The following MTIF2 variants were observed in gnomAD, a reference collection of about 807,000 sequenced individuals.
The protein encoded by MTIF2 is mitochondrial translational initiation factor 2.
In MTIF2, 71 loss-of-function variants were observed where a neutral mutation model predicts 83.5. The observed-to-expected ratio is 0.85, with a 90% CI of 0.70 to 1.04. MTIF2 has a LOEUF of 1.04. Ranked by LOEUF, MTIF2 falls within the 50% of genes least tolerant of loss-of-function variation. MTIF2 has a pLI of 0.00. For missense variants in MTIF2, 957 were observed against 846.5 expected (o/e 1.13, Z -1.62); for synonymous variants, 319 against 287.1 (o/e 1.11, Z -1.12).
At chr2:55,255,398 T>G (rs1329711042) in intron 5 of MTIF2, among the ~76,000 whole-genome samples, 2 of 146,378 alleles carry the variant, frequency 1.4e-5, no homozygotes, top group Non-Finnish European at 3.0e-5. Flanking sequence ...TATATAGTAT[T>G]ATATATAATA....
intron 9 of MTIF2, among the ~76,000 whole-genome samples, chr2:55,249,037 G>A (rs1676900597): frequency 6.6e-6 from 1 of 152,144 alleles, no homozygotes; most frequent in South Asian, 2.1e-4. Context: ...TACTCAAGAG[G>A]CTGAGGTGGG....
chr2:55,241,120 T>A (rs546261819), intron 13 of MTIF2, among the ~76,000 whole-genome samples: 38 of 150,860 alleles, frequency 2.5e-4, no homozygotes, highest in Middle Eastern at 3.5e-3. Flanking sequence ...ACAAAATGAA[T>A]GAAAAAAATT....
intron 5 of MTIF2, among the ~76,000 whole-genome samples, chr2:55,256,328 A>ACACACAATAT (rs149034173): frequency 5.9e-4 from 82 of 138,774 alleles, no homozygotes; most frequent in African/African-American, 2.0e-3. Flanking sequence ...ACACACACAC[A>ACACACAATAT]ATATATATCT....
chr2:55,237,649 C>CTTTTTTTT lies in MTIF2; in HGVS notation c.1871-229_1871-222dup, dbSNP rs536036933. Among the ~76,000 whole-genome samples, 101 of 112,988 alleles carry CTTTTTTTT rather than the reference C, an allele frequency of 8.9e-4. 1 individual carries two copies. The highest frequency in any genetic ancestry group is 1.1e-3 in the African/African-American group (33 of 29,136). 74.1% of individuals were successfully genotyped at this position (112,988 alleles called of 152,430 possible). A position where few individuals can be genotyped will look rare whatever the true frequency, so the allele number is the denominator to read the frequency against. ...GCTATTCTTTTCCTTTTCTTTTTTTCTTTTTTTTTTTTTTTTTTTGAGACA... is the reference window on the plus strand; with the variant it reads ...GCTATTCTTTTCCTTTTCTTTTTTTCTTTTTTTTTTTTTTTTTTTTTTTTTTTGAGACA... On this transcript the variant is annotated intron_variant, in intron 14 of 15. Transcript: ENST00000263629.
At chr2:55,241,797 T>A (rs1482135346) in intron 13 of MTIF2, among the ~76,000 whole-genome samples, 2 of 151,620 alleles carry the variant, frequency 1.3e-5, no homozygotes, top group Non-Finnish European at 2.9e-5. Flanking sequence ...GAGCCAAGAT[T>A]GCGCCATTGT....
chr2:55,242,498 A>G (rs1380417586), intron 13 of MTIF2, among the ~76,000 whole-genome samples: 1 of 152,244 alleles, frequency 6.6e-6, no homozygotes, highest in Admixed American at 6.5e-5. Flanking sequence ...CTGTAAAAAG[A>G]TACGATGTAT....
rs538443758 is a variant in MTIF2, at chr2:55,263,585, G to C, written c.219+55C>G. Reference sequence around the variant, plus strand: ...AGATCGCGCCACGGCACTCCAGCCGGGGTGACAGGGTGAGACTCCATCTCA... The same window carrying C: ...AGATCGCGCCACGGCACTCCAGCCGCGGTGACAGGGTGAGACTCCATCTCA... On this transcript the variant is annotated intron_variant, in intron 4 of 15. Coordinates refer to ENST00000263629, the MANE Select transcript of MTIF2 (RefSeq NM_002453.3). The C allele has an allele frequency of 1.2e-5, 17 of 1,398,288 alleles. No individual in the cohort carries two copies. The South Asian group carries it at 2.1e-4, about 18-fold the overall frequency. 86.6% of individuals were successfully genotyped at this position (1,398,288 alleles called of 1,614,324 possible).
At chr2:55,258,467 G>C (rs568514664) in intron 5 of MTIF2, among the ~76,000 whole-genome samples, 1 of 152,078 alleles carries the variant, frequency 6.6e-6, no homozygotes, top group Non-Finnish European at 1.5e-5. Flanking sequence ...TCAGGAGTTC[G>C]AGACCAGCCT....
intron 4 of MTIF2, 46 bp from the exon 5 acceptor site, chr2:55,262,473 T>TAAGTG (rs1678082629): frequency 8.2e-7 from 1 of 1,221,242 alleles, no homozygotes; most frequent in South Asian, 1.3e-5. Flanking sequence ...AGAAAAAACT[T>TAAGTG]AAGTGACAAT....
At chr2:55,262,797 C>T (rs1468022026) in intron 4 of MTIF2, among the ~76,000 whole-genome samples, 1 of 151,874 alleles carries the variant, frequency 6.6e-6, no homozygotes, top group Non-Finnish European at 1.5e-5. Flanking sequence ...GGCACAATTT[C>T]GGCTCACTGA....
intron 10 of MTIF2, 39 bp downstream of exon 10, chr2:55,246,297 AC>A (rs1558559004): frequency 3.8e-6 from 6 of 1,560,186 alleles, no homozygotes; most frequent in Non-Finnish European, 5.2e-6. Context: ...CACGAAAACC[AC>A]AGAACAAATT....
At chr2:55,249,679 T>G in intron 8 of MTIF2, 145 bp from the exon 9 acceptor site, 1 of 805,596 alleles carries the variant, frequency 1.2e-6, no homozygotes, top group Non-Finnish European at 1.9e-6. Flanking sequence ...TGACCCACTT[T>G]AGAGTCACAT....
chr2:55,257,703 C>T (rs1031525568), intron 5 of MTIF2, among the ~76,000 whole-genome samples: 1 of 152,144 alleles, frequency 6.6e-6, no homozygotes, highest in Non-Finnish European at 1.5e-5. Context: ...AGTCTTTTTA[C>T]CATATAGATA....
At chr2:55,258,312 G>C (rs1363374658) in intron 5 of MTIF2, among the ~76,000 whole-genome samples, 1 of 152,110 alleles carries the variant, frequency 6.6e-6, no homozygotes, top group Non-Finnish European at 1.5e-5. Context: ...TTTTAAGAAT[G>C]ATACAACTCA....
Position 55,236,624 on chromosome 2 carries a change from G to GTT in MTIF2, c.*22_*23dup, listed in dbSNP as rs375469919. The GTT allele has an allele frequency of 8.2e-5, 129 of 1,565,098 alleles. No homozygotes were observed. The African/African-American group carries it at 1.5e-3, about 18-fold the overall frequency. The stretch of plus-strand genomic sequence containing the variant: ...TACCTTCAAACAAACAACACGTTGA[G>GTT]TTATTTACATTTTTAATGTAATTTT... On this transcript the variant is annotated 3_prime_UTR_variant, in exon 16 of 16. Transcript: ENST00000263629.
chr2:55,258,809 C>CT (rs1230355220), intron 5 of MTIF2, among the ~76,000 whole-genome samples: 2 of 119,046 alleles, frequency 1.7e-5, no homozygotes, highest in African/African-American at 3.1e-5. Flanking sequence ...AAGCCTCTGT[C>CT]TCAAAAAAAA....
chr2:55,255,893 T>TGG (rs202213298), intron 5 of MTIF2, among the ~76,000 whole-genome samples: 94 of 151,954 alleles, frequency 6.2e-4, no homozygotes, highest in African/African-American at 2.2e-3. Context: ...TCTTTTTTTT[T>TGG]GGGACAGAGT....
chr2:55,243,387 A>T, intron 12 of MTIF2, 29 bp downstream of exon 12: 1 of 1,546,374 alleles, frequency 6.5e-7, no homozygotes, highest in South Asian at 1.2e-5. Context: ...CAAAGAATGA[A>T]CTGTAATGTA....
At chr2:55,252,995 T>C (rs1677220774) in intron 7 of MTIF2, among the ~76,000 whole-genome samples, 6 of 152,000 alleles carry the variant, frequency 3.9e-5, no homozygotes, top group Admixed American at 2.6e-4. Context: ...CAAATCAGAG[T>C]TGCACAACTC....
Sources: allele counts gnomAD v4.1 joint callset (sites outside exome capture counted in the v4.1 genomes callset), GRCh38; gene constraint gnomAD v4.1.1; transcripts MANE v1.5; gene names NCBI Gene and HGNC (gene_info 2026-07-23, HGNC 2026-07-21).